The following ACOXL variants were observed in gnomAD, a reference collection of about 807,000 sequenced individuals.
ACOXL encodes the protein acyl-coenzyme A oxidase-like protein.
A neutral mutation model predicts 71.9 loss-of-function variants in ACOXL; 70 were observed. The observed-to-expected ratio is 0.97, with a 90% CI of 0.80 to 1.19. ACOXL has a LOEUF of 1.19. Ranked by LOEUF, ACOXL falls within the 50% of genes most tolerant of loss-of-function variation. The pLI is 0.00. For synonymous variants in ACOXL, 253 were observed against 281.6 expected (o/e 0.90, Z 1.02); for missense variants, 703 against 736.3 (o/e 0.95, Z 0.52).
In ACOXL at chr2:111,030,095, G is replaced by GTGC. The variant is rs1402019231; in HGVS notation, c.1282-1531_1282-1529dup. Among the ~76,000 whole-genome samples, 3 of 152,056 alleles carry GTGC rather than the reference G, an allele frequency of 2.0e-5. No individual in the cohort carries two copies. The East Asian group carries it at 5.8e-4, about 29-fold the overall frequency. ...TGCCCTTGATTCTATTTGGACACAT[G>GTGC]TGCACAGTGTTTTATTCTTCTCTGC... On this transcript the variant is annotated intron_variant, in intron 14 of 17. Transcript: ENST00000439055.
intron 17 of ACOXL, among the ~76,000 whole-genome samples, chr2:111,095,318 A>G (rs1409367446): frequency 1.3e-5 from 2 of 151,776 alleles, no homozygotes; most frequent in African/African-American, 4.8e-5. Flanking sequence ...GCAATATATC[A>G]GAGGAATATT....
At chr2:111,009,837 A>C (rs2064060456) in intron 14 of ACOXL, among the ~76,000 whole-genome samples, 2 of 152,196 alleles carry the variant, frequency 1.3e-5, no homozygotes, top group Non-Finnish European at 2.9e-5. Flanking sequence ...TTAGGAGTAA[A>C]ACTATGTCTC....
chr2:110,900,632 T>G (rs2059197261), intron 10 of ACOXL, among the ~76,000 whole-genome samples: 1 of 152,192 alleles, frequency 6.6e-6, no homozygotes, highest in African/African-American at 2.4e-5. Context: ...GGTGGGGATA[T>G]GATGTTGACT....
intron 16 of ACOXL, among the ~76,000 whole-genome samples, chr2:111,067,948 G>A (rs1032954662): frequency 1.3e-5 from 2 of 152,142 alleles, no homozygotes; most frequent in African/African-American, 4.8e-5. Context: ...GGTGGGAGAG[G>A]GAGAATCCTG....
chr2:110,935,702 A>G (rs915176014), intron 12 of ACOXL, among the ~76,000 whole-genome samples: 1 of 152,202 alleles, frequency 6.6e-6, no homozygotes, highest in Non-Finnish European at 1.5e-5. Flanking sequence ...TCTGCTCACA[A>G]TAATTCTGAC....
At chr2:110,981,372 G>A (rs1240567431) in intron 12 of ACOXL, among the ~76,000 whole-genome samples, 1 of 152,196 alleles carries the variant, frequency 6.6e-6, no homozygotes, top group Non-Finnish European at 1.5e-5. Flanking sequence ...CGTGGACTCT[G>A]GGTTGAAATC....
At chr2:111,117,202 C>T (rs947787500) in intron 17 of ACOXL, among the ~76,000 whole-genome samples, 7 of 152,098 alleles carry the variant, frequency 4.6e-5, no homozygotes, top group Non-Finnish European at 1.0e-4. Flanking sequence ...GAGGGTGGCA[C>T]CCCAGGCACT....
chr2:110,896,359 C>T (rs1205004335), intron 10 of ACOXL, among the ~76,000 whole-genome samples: 2 of 152,022 alleles, frequency 1.3e-5, no homozygotes, highest in African/African-American at 4.8e-5. Context: ...TTTAAAAAGT[C>T]GGACTTAAGC....
At chr2:111,031,575 A>T in intron 14 of ACOXL, 52 bp from the exon 15 acceptor site, 2 of 1,526,284 alleles carry the variant, frequency 1.3e-6, no homozygotes, top group Non-Finnish European at 1.8e-6. Flanking sequence ...CTATTAAGTT[A>T]GACTCTCTCA....
chr2:110,766,519 A>G (rs1186805374), intron 1 of ACOXL, among the ~76,000 whole-genome samples: 1 of 152,156 alleles, frequency 6.6e-6, no homozygotes, highest in Non-Finnish European at 1.5e-5. Context: ...GGAAGGGGGA[A>G]GTTGAAAGCT....
rs764302967 is a variant in ACOXL, at chr2:110,963,592, TG to T, written c.1060-23515del. 8.7e-3 allele frequency: 13,592 copies of T among 1,568,542 alleles called. 558 individuals carry two copies. The African/African-American group carries it at 0.13, about 15-fold the overall frequency. ...GTGTGTGTGTGTGTGTGTGTGTGTG[TG>T]TGTGTGTGTGTTTTTCTCTTTCTGC... On this transcript the variant is annotated intron_variant, in intron 12 of 17. Transcript: ENST00000439055.
rs750941356 is a variant in ACOXL at position 110,817,383 on chromosome 2, AGGAATGACTTGAGGATTAC to A, written c.753+12003_753+12021del. Among the ~76,000 whole-genome samples, 222 of 152,338 alleles carry A rather than the reference AGGAATGACTTGAGGATTAC, an allele frequency of 1.5e-3. 1 individual carries two copies. The highest frequency in any genetic ancestry group is 2.1e-3 in the Non-Finnish European group (145 of 68,026). On this transcript the variant is annotated intron_variant, in intron 9 of 17. Coordinates refer to ENST00000439055, the MANE Select transcript of ACOXL (RefSeq NM_001142807.4). Reference sequence around the variant, plus strand: ...ATCTGTGTCCCACTTGGATGACTTGAGGAATGACTTGAGGATTACGGAATGACTTGAGGGTCCCACAGAA... The same window carrying A: ...ATCTGTGTCCCACTTGGATGACTTGAGGAATGACTTGAGGGTCCCACAGAA...
At chr2:111,035,293 G>T (rs150240829) in intron 15 of ACOXL, among the ~76,000 whole-genome samples, 91 of 152,330 alleles carry the variant, frequency 6.0e-4, no homozygotes, top group African/African-American at 2.2e-3. Flanking sequence ...AGGGAAAACC[G>T]TGTTTGAAAT....
At chr2:110,891,594 C>G (rs936983476) in intron 10 of ACOXL, among the ~76,000 whole-genome samples, 2 of 151,976 alleles carry the variant, frequency 1.3e-5, no homozygotes, top group East Asian at 3.8e-4. Context: ...TCAAATACTA[C>G]AGACTCTCAT....
rs773192500 is a variant in ACOXL, at chr2:111,049,300, G to C, written c.1440+12G>C. The C allele has an allele frequency of 6.3e-7, 1 of 1,593,760 alleles. No individual in the cohort carries two copies. Among genetic ancestry groups the C allele is most frequent in the East Asian group, 2.2e-5 (1 of 44,758 alleles). On this transcript the variant is annotated intron_variant, in intron 16 of 17. Coordinates refer to ENST00000439055, the MANE Select transcript of ACOXL (RefSeq NM_001142807.4). ...CTTTGTTAATGAAGGTAGGTTATCA[G>C]ATAAAGAACTTATTTCCTAAAGGCT...
chr2:110,932,964 C>T lies in ACOXL; in HGVS notation c.906-525C>T, dbSNP rs568249023. Among the ~76,000 whole-genome samples, 15 of 152,296 alleles carry T rather than the reference C, an allele frequency of 9.8e-5. 1 individual carries two copies. The South Asian group carries it at 2.5e-3, about 25-fold the overall frequency. The stretch of plus-strand genomic sequence containing the variant: ...GACTTTGGAGGAGCAGGTTTAATCT[C>T]GAGGTCTACGTCAGATGCCGACAGG... On this transcript the variant is annotated intron_variant, in intron 11 of 17. Transcript: ENST00000439055.
intron 10 of ACOXL, among the ~76,000 whole-genome samples, chr2:110,905,480 G>A (rs1025274381): frequency 7.9e-5 from 12 of 152,210 alleles, no homozygotes; most frequent in Non-Finnish European, 1.6e-4. Context: ...GGCCAGAGCC[G>A]TTTTGCTCCC....
At chr2:110,946,696 C>G (rs937147292) in intron 12 of ACOXL, among the ~76,000 whole-genome samples, 6 of 152,206 alleles carry the variant, frequency 3.9e-5, no homozygotes, top group Non-Finnish European at 7.3e-5. Flanking sequence ...GGTAAGTCCT[C>G]ACTTCCCAAG....
At chr2:111,032,976 C>T (rs954801474) in intron 15 of ACOXL, among the ~76,000 whole-genome samples, 1 of 152,198 alleles carries the variant, frequency 6.6e-6, no homozygotes, top group African/African-American at 2.4e-5. Flanking sequence ...GCTCTTGGGA[C>T]CTTGCACCTT....
Sources: gnomAD v4.1 joint callset for allele counts (sites outside exome capture counted in the v4.1 genomes callset) on GRCh38, gnomAD v4.1.1 for gene constraint, MANE v1.5 for transcripts, NCBI Gene and HGNC (gene_info 2026-07-23, HGNC 2026-07-21) for gene names.